The following SGMS1 variants were observed in gnomAD, a reference collection of about 807,000 sequenced individuals.
The protein encoded by SGMS1 is phosphatidylcholine:ceramide cholinephosphotransferase 1.
In SGMS1, 13 loss-of-function variants were observed where a neutral mutation model predicts 46.2. The observed-to-expected ratio is 0.28, with a 90% CI of 0.18 to 0.45. The LOEUF is 0.45. Ranked by LOEUF, SGMS1 falls within the 20% of genes least tolerant of loss-of-function variation. The pLI is 1.00. For synonymous variants in SGMS1, 203 were observed against 187.8 expected (o/e 1.08, Z -0.66); for missense variants, 324 against 519.9 (o/e 0.62, Z 3.66).
intron 4 of SGMS1, among the ~76,000 whole-genome samples, chr10:50,464,662 G>C (rs1400770484): frequency 6.6e-6 from 1 of 152,212 alleles, no homozygotes; most frequent in Admixed American, 6.5e-5. Flanking sequence ...TTGAACTCCT[G>C]ACTTCAAGTG....
intron 2 of SGMS1, among the ~76,000 whole-genome samples, chr10:50,524,383 G>A (rs1457759255): frequency 2.0e-5 from 3 of 152,022 alleles, no homozygotes; most frequent in East Asian, 1.9e-4. Context: ...TTACCATTTC[G>A]TCTCCTAACA....
intron 5 of SGMS1, among the ~76,000 whole-genome samples, chr10:50,441,594 G>C (rs2133637918): frequency 6.6e-6 from 1 of 152,346 alleles, no homozygotes; most frequent in East Asian, 1.9e-4. Flanking sequence ...CTGCAGAGGA[G>C]ATCATGAATG....
At chr10:50,536,862 T>C (rs1365246964) in intron 2 of SGMS1, among the ~76,000 whole-genome samples, 2 of 152,252 alleles carry the variant, frequency 1.3e-5, no homozygotes, top group Non-Finnish European at 2.9e-5. Flanking sequence ...AGGTGAATTA[T>C]ATTTATTCAA....
intron 6 of SGMS1, among the ~76,000 whole-genome samples, chr10:50,417,106 T>C (rs1849181459): frequency 6.6e-6 from 1 of 152,206 alleles, no homozygotes; most frequent in African/African-American, 2.4e-5. Flanking sequence ...GCAGTCAGTG[T>C]TTCTGATCAT....
chr10:50,532,225 CTGTGTGTG>C (rs71029313), intron 2 of SGMS1, among the ~76,000 whole-genome samples: 1,719 of 130,560 alleles, frequency 0.013, 16 homozygotes, highest in Non-Finnish European at 0.013. Context: ...CTGAATGAGA[CTGTGTGTG>C]TGTGTGTGTG....
intron 2 of SGMS1, among the ~76,000 whole-genome samples, chr10:50,583,082 A>C (rs1182014476): frequency 6.6e-6 from 1 of 152,150 alleles, no homozygotes; most frequent in Admixed American, 6.5e-5. Flanking sequence ...GATCCTTCTC[A>C]GAACTCTTTT....
chr10:50,396,946 AC>A (rs1848856714), intron 6 of SGMS1, among the ~76,000 whole-genome samples: 1 of 152,044 alleles, frequency 6.6e-6, no homozygotes. Context: ...TAAGCACTCC[AC>A]CCTTCTGCAC....
At chr10:50,379,100 C>G (rs1000336532) in intron 6 of SGMS1, among the ~76,000 whole-genome samples, 15 of 152,078 alleles carry the variant, frequency 9.9e-5, no homozygotes, top group African/African-American at 3.6e-4. Flanking sequence ...ACTGTCATAA[C>G]CTTTATGACA....
At chr10:50,546,898 C>T (rs1156492264) in intron 2 of SGMS1, among the ~76,000 whole-genome samples, 1 of 152,120 alleles carries the variant, frequency 6.6e-6, no homozygotes, top group Non-Finnish European at 1.5e-5. Flanking sequence ...CTGCTTAGAA[C>T]TTGTGGCACT....
chr10:50,474,777 C>T (rs1306819056), intron 3 of SGMS1, among the ~76,000 whole-genome samples: 1 of 151,958 alleles, frequency 6.6e-6, no homozygotes, highest in South Asian at 2.1e-4. Flanking sequence ...AACTAAGAAG[C>T]AGAGAGAGTG....
chr10:50,421,571 T>C (rs1253137172), intron 6 of SGMS1, among the ~76,000 whole-genome samples: 1 of 152,096 alleles, frequency 6.6e-6, no homozygotes, highest in East Asian at 1.9e-4. Flanking sequence ...ACTGACCACC[T>C]CTCAGTCACA....
intron 1 of SGMS1, chr10:50,590,682 G>A (rs1385405568): frequency 3.9e-5 from 6 of 152,082 alleles, no homozygotes; most frequent in African/African-American, 1.4e-4. Context: ...AAGAAAACTT[G>A]CTAGATAAAT....
chr10:50,622,157 C>G (rs1838857899), intron 1 of SGMS1, among the ~76,000 whole-genome samples: 1 of 152,224 alleles, frequency 6.6e-6, no homozygotes, highest in Non-Finnish European at 1.5e-5. Context: ...CTGCCACCTG[C>G]TGAATCACCA....
At chr10:50,430,088 C>T (rs1380232817) in intron 6 of SGMS1, among the ~76,000 whole-genome samples, 2 of 152,134 alleles carry the variant, frequency 1.3e-5, no homozygotes, top group Non-Finnish European at 2.9e-5. Context: ...TCTGTTCAGA[C>T]TGTTCCTTTC....
chr10:50,307,079 A>C lies in SGMS1; in HGVS notation c.*63T>G. On this transcript the variant is annotated 3_prime_UTR_variant, in exon 11 of 11. Transcript: ENST00000361781. The surrounding 1 kb of genome is among the most constrained non-coding windows in gnomAD (Gnocchi z 4.2). ...ATTAGGGAGGTGTTTATTTTATGGC[A>C]TCTTCTCTCATGGAGTTCTTAGCAC... 1 of 1,482,552 alleles carries C rather than the reference A, an allele frequency of 6.7e-7. No individual in the cohort carries two copies. Among genetic ancestry groups the C allele is most frequent in the Non-Finnish European group, 9.2e-7 (1 of 1,085,638 alleles). The allele number at this position is 1,482,552 out of a possible 1,614,324, so 91.8% of individuals were successfully genotyped here.
chr10:50,325,219 G>A (rs1351564824), intron 8 of SGMS1, among the ~76,000 whole-genome samples: 2 of 152,206 alleles, frequency 1.3e-5, no homozygotes, highest in African/African-American at 4.8e-5. Flanking sequence ...GAATCTGAGT[G>A]TTGGGTTTAT....
rs564816901 is a variant in SGMS1, at chr10:50,475,101, G to T, written c.-497-8169C>A. Among the ~76,000 whole-genome samples, 76 of 152,192 alleles carry T rather than the reference G, an allele frequency of 5.0e-4. 1 individual carries two copies. Among genetic ancestry groups the T allele is most frequent in the Non-Finnish European group, 8.8e-4 (60 of 68,010 alleles). On this transcript the variant is annotated intron_variant, in intron 3 of 10. Coordinates refer to ENST00000361781, the MANE Select transcript of SGMS1 (RefSeq NM_147156.4). ...TTTCCAGAATATCCAAGTCAATAAGGCTATGCACTTTTGACTAACTTTCCA... is the reference window on the plus strand; with the variant it reads ...TTTCCAGAATATCCAAGTCAATAAGTCTATGCACTTTTGACTAACTTTCCA...
intron 3 of SGMS1, among the ~76,000 whole-genome samples, chr10:50,478,514 A>C (rs996332251): frequency 6.6e-6 from 1 of 152,194 alleles, no homozygotes; most frequent in African/African-American, 2.4e-5. Context: ...TAACAAAAAA[A>C]ATAGAGCCAA....
chr10:50,483,603 C>T (rs943883006), intron 3 of SGMS1, among the ~76,000 whole-genome samples: 1 of 152,122 alleles, frequency 6.6e-6, no homozygotes, highest in African/African-American at 2.4e-5. Context: ...TTCTCGGTGC[C>T]ACATGGCAAC....
Sources: allele counts gnomAD v4.1 joint callset (sites outside exome capture counted in the v4.1 genomes callset), GRCh38; gene constraint gnomAD v4.1.1; non-coding constraint Gnocchi (gnomAD v3.1); transcripts MANE v1.5; gene names NCBI Gene and HGNC (gene_info 2026-07-23, HGNC 2026-07-21).